PEAK1: variants seen among roughly 807,000 people sequenced by gnomAD.
The protein encoded by PEAK1 is pseudopodium enriched atypical kinase 1.
PEAK1 carries 54 observed loss-of-function variants against 124.7 expected under a neutral mutation model. That is an observed-to-expected ratio of 0.43 (90% CI 0.35 to 0.54). PEAK1 has a LOEUF of 0.54. Among genes scored for constraint, PEAK1 ranks in the 20% least tolerant of loss-of-function variants. The probability of loss-of-function intolerance (pLI) is 0.01; values close to 1 mark genes in which losing one functional copy is unlikely to be tolerated. For synonymous variants in PEAK1, 719 were observed against 760.0 expected (o/e 0.95, Z 0.89); for missense variants, 2,046 against 2,134.5 (o/e 0.96, Z 0.82).
At chr15:77,173,933 A>G (rs1310215515) in intron 7 of PEAK1, among the ~76,000 whole-genome samples, 2 of 152,254 alleles carry the variant, frequency 1.3e-5, no homozygotes, top group Non-Finnish European at 2.9e-5. Flanking sequence ...AGGGCCTAAT[A>G]ACATTTTTAA....
chr15:77,158,831 C>A (rs1032982246), intron 7 of PEAK1, 135 bp from the exon 8 acceptor site: 2 of 794,818 alleles, frequency 2.5e-6, no homozygotes, highest in Non-Finnish European at 3.9e-6. Flanking sequence ...GAACACAAGG[C>A]AGTACTTCAT....
chr15:77,150,039 C>A (rs929068373), intron 8 of PEAK1, among the ~76,000 whole-genome samples: 1 of 152,056 alleles, frequency 6.6e-6, no homozygotes, highest in African/African-American at 2.4e-5. Context: ...CATGAGCCAC[C>A]GTGCCTGGCA....
chr15:77,202,940 G>A (rs2058439349), intron 6 of PEAK1, among the ~76,000 whole-genome samples: 8 of 151,802 alleles, frequency 5.3e-5, no homozygotes, highest in Admixed American at 5.3e-4. Context: ...GGTAGGCTGA[G>A]GTGGGAGGAT....
rs112408178 is a variant in PEAK1 at position 77,270,016 on chromosome 15, T to C, written c.-275+13867A>G. Among the ~76,000 whole-genome samples, 1,312 of 152,332 alleles carry C rather than the reference T, an allele frequency of 8.6e-3. 20 individuals carry two copies. Among genetic ancestry groups the C allele is most frequent in the African/African-American group, 0.03 (1,244 of 41,562 alleles). On this transcript the variant is annotated intron_variant, in intron 5 of 9. Transcript: ENST00000682557. ...TTCTTAATCCTGAGTTCTAGTTTGA[T>C]TGCACTGTGGTCTGAGAGATAGTTT...
At chr15:77,365,816 C>A (rs943038197) in intron 1 of PEAK1, among the ~76,000 whole-genome samples, 11 of 149,656 alleles carry the variant, frequency 7.4e-5, no homozygotes, top group Non-Finnish European at 1.2e-4. Context: ...TCTCCTTCAT[C>A]AACTCAATTC....
chr15:77,173,296 T>C, intron 7 of PEAK1, among the ~76,000 whole-genome samples: 1 of 152,054 alleles, frequency 6.6e-6, no homozygotes, highest in East Asian at 1.9e-4. Context: ...TAAGAACCAA[T>C]GGACTATTTT....
intron 6 of PEAK1, among the ~76,000 whole-genome samples, chr15:77,199,158 T>A (rs1173917147): frequency 6.6e-6 from 1 of 152,216 alleles, no homozygotes; most frequent in Non-Finnish European, 1.5e-5. Context: ...GCCACTCTTG[T>A]TTATACAGCA....
chr15:77,295,897 G>A (rs1344213746), intron 2 of PEAK1, among the ~76,000 whole-genome samples: 1 of 152,154 alleles, frequency 6.6e-6, no homozygotes, highest in East Asian at 1.9e-4. Context: ...AGCTTCAACA[G>A]TGAATATTTC....
intron 6 of PEAK1, among the ~76,000 whole-genome samples, chr15:77,230,116 A>G (rs1349606821): frequency 6.6e-6 from 1 of 152,246 alleles, no homozygotes; most frequent in East Asian, 1.9e-4. Flanking sequence ...TAAGACAGGG[A>G]AAACATTATA....
intron 8 of PEAK1, 79 bp downstream of exon 8, chr15:77,158,424 C>T: frequency 7.6e-7 from 1 of 1,307,586 alleles, no homozygotes; most frequent in Non-Finnish European, 1.1e-6. Context: ...TAAAAACCAT[C>T]TCTCCAAGAA....
chr15:77,180,645 T>A lies in PEAK1; in HGVS notation c.1282A>T (p.Ile428Phe), dbSNP rs770429485. The A allele has an allele frequency of 1.2e-6, 2 of 1,614,182 alleles. No homozygotes were observed. Among genetic ancestry groups the A allele is most frequent in the East Asian group, 2.2e-5 (1 of 44,876 alleles). ...ALRLEEKDGK[I>F]AVQTEKEESK... is the part of the protein sequence containing the mutation. ...TCTTCCTTCTCAGTTTGTACAGCAA[T>A]CTTGCCATCTTTCTCTTCTAATCGG... The change falls in exon 7 of 10, where the codon ATT (isoleucine) becomes TTT (phenylalanine). Residue 428 changes from isoleucine to phenylalanine, a missense_variant. Physicochemically the swap from Ile to Phe is conservative, Grantham distance 21 (BLOSUM62 0). Coordinates refer to ENST00000682557, the MANE Select transcript of PEAK1 (RefSeq NM_001385026.1).
intron 5 of PEAK1, among the ~76,000 whole-genome samples, chr15:77,275,964 A>G (rs188500709): frequency 2.0e-5 from 3 of 152,242 alleles, no homozygotes; most frequent in Admixed American, 2.0e-4. Flanking sequence ...AACTGAAATC[A>G]ATGTCAGTGG....
At chr15:77,102,741 T>C (rs1442922959) in exon 7 of PEAK1, 2 of 152,180 alleles carry the variant, frequency 1.3e-5, no homozygotes, top group Admixed American at 1.3e-4. Flanking sequence ...CATTGATCTG[T>C]TTTTTCTTGT....
At position 77,298,738 on chromosome 15, in the gene PEAK1, T is replaced by C. The variant is rs150737206; in HGVS notation, c.-602-12234A>G. ...ACTTGGATTTATTCTATAAATTCTA[T>C]TGTGTAATTTTCTTTTCCTCATCTC... On this transcript the variant is annotated intron_variant, in intron 2 of 9. Transcript: ENST00000682557. 4.5e-4 allele frequency among the ~76,000 whole-genome samples: 68 copies of C among 152,288 alleles called. No homozygotes were observed. The East Asian group carries it at 0.011, about 24-fold the overall frequency.
At chr15:77,171,734 A>C (rs1178658007) in intron 7 of PEAK1, among the ~76,000 whole-genome samples, 1 of 152,192 alleles carries the variant, frequency 6.6e-6, no homozygotes, top group Non-Finnish European at 1.5e-5. Context: ...TGGATATGCT[A>C]ATTTCCCTGA....
chr15:77,279,783 G>A (rs2062560048), intron 5 of PEAK1, among the ~76,000 whole-genome samples: 3 of 152,294 alleles, frequency 2.0e-5, no homozygotes, highest in South Asian at 4.1e-4. Context: ...TGTCCTGCCT[G>A]AAATACCATG....
chr15:77,234,267 C>T (rs191380745), intron 6 of PEAK1, among the ~76,000 whole-genome samples: 10 of 152,202 alleles, frequency 6.6e-5, no homozygotes, highest in Admixed American at 6.5e-5. Flanking sequence ...TTACCAATAT[C>T]GATTAATATA....
At chr15:77,279,135 G>T (rs2062522306) in intron 5 of PEAK1, among the ~76,000 whole-genome samples, 1 of 148,614 alleles carries the variant, frequency 6.7e-6, no homozygotes, top group Non-Finnish European at 1.5e-5. Flanking sequence ...GTGTGTGTGT[G>T]TTTCAAAGCT....
intron 8 of PEAK1, among the ~76,000 whole-genome samples, chr15:77,147,334 G>T (rs1238487404): frequency 1.7e-4 from 26 of 152,158 alleles, no homozygotes; most frequent in Admixed American, 1.7e-3. Context: ...TTTAGATAAT[G>T]CTCTAGGATG....
Sources: allele counts gnomAD v4.1 joint callset (sites outside exome capture counted in the v4.1 genomes callset), GRCh38; gene constraint gnomAD v4.1.1; transcripts MANE v1.5; gene names NCBI Gene and HGNC (gene_info 2026-07-23, HGNC 2026-07-21).